RABGAP1L: variants seen among roughly 807,000 people sequenced by gnomAD.
The protein encoded by RABGAP1L is rab GTPase-activating protein 1-like.
Under a neutral mutation model 137.7 loss-of-function variants are expected in RABGAP1L, and 63 were observed. That is an observed-to-expected ratio of 0.46 (90% CI 0.37 to 0.56). The LOEUF is 0.56. Ranked by LOEUF, RABGAP1L falls within the 20% of genes least tolerant of loss-of-function variation. The pLI, the probability that RABGAP1L is intolerant of heterozygous loss-of-function variation, is 0.00. For missense variants in RABGAP1L, 1,095 were observed against 1,244.0 expected (o/e 0.88, Z 1.80); for synonymous variants, 431 against 433.7 (o/e 0.99, Z 0.08).
intron 5 of RABGAP1L, among the ~76,000 whole-genome samples, chr1:174,241,942 A>G (rs1015248392): frequency 2.8e-4 from 43 of 152,094 alleles, no homozygotes; most frequent in Admixed American, 5.2e-4. Context: ...CAGAAGGGAG[A>G]CTATTTTTGC....
At chr1:174,767,136 A>C (rs922754130) in intron 18 of RABGAP1L, among the ~76,000 whole-genome samples, 1 of 152,152 alleles carries the variant, frequency 6.6e-6, no homozygotes, top group African/African-American at 2.4e-5. Flanking sequence ...TTGATGTCTC[A>C]TGTCTTCCTA....
At chr1:174,686,411 A>C (rs1249042671) in intron 15 of RABGAP1L, among the ~76,000 whole-genome samples, 1 of 151,598 alleles carries the variant, frequency 6.6e-6, no homozygotes, top group Non-Finnish European at 1.5e-5. Flanking sequence ...ACTTCCTGTG[A>C]TGACCAGTTA....
At chr1:174,225,494 C>CTTTTTTTTTTTTTTTTTTTTTTT (rs59323156) in intron 3 of RABGAP1L, among the ~76,000 whole-genome samples, 4 of 105,712 alleles carry the variant, frequency 3.8e-5, no homozygotes, top group African/African-American at 1.4e-4. Flanking sequence ...AGAATGTTGA[C>CTTTTTTTTTTTTTTTTTTTTTTT]TTTTTTTTTT....
intron 11 of RABGAP1L, chr1:174,367,659 A>G (rs1684767627): frequency 1.6e-5 from 4 of 254,846 alleles, no homozygotes; most frequent in African/African-American, 2.4e-5. Context: ...ACTGGAAAAT[A>G]GTGTTCTGTA....
At position 174,327,972 on chromosome 1, in the gene RABGAP1L, T is replaced by C. The variant is rs868140352; in HGVS notation, c.1465+22845T>C. On this transcript the variant is annotated intron_variant, in intron 11 of 25. Transcript: ENST00000681986. ...ACAGTTGTAAATATATATATATATA[T>C]ATATATACACACACATATATATATA... Among the ~76,000 whole-genome samples the C allele has an allele frequency of 4.6e-3, 88 of 18,978 alleles. 3 individuals are homozygous for C. Among genetic ancestry groups the C allele is most frequent in the African/African-American group, 0.016 (83 of 5,196 alleles). The allele number at this position is 18,978 out of a possible 152,430, so 12.5% of individuals were successfully genotyped here.
chr1:174,747,402 TAAA>T (rs35889834), intron 17 of RABGAP1L, among the ~76,000 whole-genome samples: 17 of 81,928 alleles, frequency 2.1e-4, no homozygotes, highest in African/African-American at 4.9e-4. Flanking sequence ...ATTCTATCTC[TAAA>T]AAAAAAAAAA....
chr1:174,173,701 G>C (rs918225064), intron 1 of RABGAP1L, among the ~76,000 whole-genome samples: 1 of 151,568 alleles, frequency 6.6e-6, no homozygotes, highest in Non-Finnish European at 1.5e-5. Context: ...GTTTTGTGCT[G>C]GAGAAGCAGA....
At chr1:174,664,729 G>GTTTT (rs1557964009) in intron 14 of RABGAP1L, among the ~76,000 whole-genome samples, 6 of 85,568 alleles carry the variant, frequency 7.0e-5, no homozygotes, top group Admixed American at 4.7e-4. Flanking sequence ...CTTTCTTTCT[G>GTTTT]CTTTCTTTTT....
chr1:174,668,337 C>T (rs1475100731), intron 14 of RABGAP1L, among the ~76,000 whole-genome samples: 4 of 152,132 alleles, frequency 2.6e-5, no homozygotes, highest in African/African-American at 9.7e-5. Context: ...TTTTTAGGGT[C>T]TGCATATGAG....
chr1:174,549,166 T>C (rs1364616225), intron 13 of RABGAP1L, among the ~76,000 whole-genome samples: 1 of 152,222 alleles, frequency 6.6e-6, no homozygotes, highest in African/African-American at 2.4e-5. Context: ...GGCTACTATG[T>C]TAGCCATTTC....
chr1:174,165,580 C>T (rs1281496174), intron 1 of RABGAP1L, among the ~76,000 whole-genome samples: 1 of 151,888 alleles, frequency 6.6e-6, no homozygotes, highest in Non-Finnish European at 1.5e-5. Flanking sequence ...CTCACTGCAT[C>T]CTTGATTTCC....
At chr1:174,369,617 T>G (rs867505778) in intron 11 of RABGAP1L, among the ~76,000 whole-genome samples, 1 of 152,248 alleles carries the variant, frequency 6.6e-6, no homozygotes, top group Non-Finnish European at 1.5e-5. Context: ...GCTTTAGTTG[T>G]TTCTATTTAT....
At chr1:174,547,799 T>C (rs1303436787) in intron 13 of RABGAP1L, 6 of 1,454,332 alleles carry the variant, frequency 4.1e-6, no homozygotes, top group Non-Finnish European at 5.6e-6. Context: ...ACCTATTACA[T>C]AGTATTTGAA....
chr1:174,810,630 A>G (rs921968018), intron 18 of RABGAP1L, among the ~76,000 whole-genome samples: 1 of 152,196 alleles, frequency 6.6e-6, no homozygotes, highest in African/African-American at 2.4e-5. Flanking sequence ...GTTTTTGACT[A>G]TTAAGTACTG....
intron 21 of RABGAP1L, among the ~76,000 whole-genome samples, chr1:174,973,972 GTTTTTT>G (rs1670397651): frequency 1.1e-5 from 1 of 94,232 alleles, no homozygotes; most frequent in East Asian, 3.1e-4. Context: ...CAGTACAATT[GTTTTTT>G]GTTTTTTTTT....
intron 13 of RABGAP1L, among the ~76,000 whole-genome samples, chr1:174,532,466 C>T (rs956644535): frequency 6.6e-6 from 1 of 152,060 alleles, no homozygotes; most frequent in African/African-American, 2.4e-5. Flanking sequence ...CTCGGCCTTC[C>T]AAAGTGCTGG....
intron 10 of RABGAP1L, among the ~76,000 whole-genome samples, chr1:174,281,799 A>T (rs1246297631): frequency 1.3e-5 from 2 of 152,176 alleles, no homozygotes; most frequent in East Asian, 3.9e-4. Flanking sequence ...TGACAAATTT[A>T]TACACATGAA....
intron 5 of RABGAP1L, 86 bp from the exon 6 acceptor site, chr1:174,250,389 A>G: frequency 1.0e-6 from 1 of 980,900 alleles, no homozygotes; most frequent in South Asian, 2.5e-5. Flanking sequence ...GTCATGGAAA[A>G]TTGTAGATTC....
At chr1:174,318,635 T>TCTTTCTTTCTTTC (rs1553272541) in intron 11 of RABGAP1L, among the ~76,000 whole-genome samples, 13 of 92,170 alleles carry the variant, frequency 1.4e-4, no homozygotes, top group African/African-American at 4.7e-4. Flanking sequence ...TTTCTTTCTT[T>TCTTTCTTTCTTTC]TTCTTTCTTT....
Sources: gnomAD v4.1 joint callset for allele counts (sites outside exome capture counted in the v4.1 genomes callset) on GRCh38, gnomAD v4.1.1 for gene constraint, MANE v1.5 for transcripts, NCBI Gene and HGNC (gene_info 2026-07-23, HGNC 2026-07-21) for gene names.